The following DPP10 variants were observed in gnomAD, a reference collection of about 807,000 sequenced individuals.
DPP10 encodes dipeptidyl peptidase like 10, also known as inactive dipeptidyl peptidase 10.
DPP10 carries 33 observed loss-of-function variants against 120.9 expected under a neutral mutation model. That is an observed-to-expected ratio of 0.27 (90% CI 0.21 to 0.37). The LOEUF is 0.37. DPP10 is among the 10% of genes least tolerant of loss of function. The probability of loss-of-function intolerance (pLI) is 1.00; values close to 1 mark genes in which losing one functional copy is unlikely to be tolerated. For synonymous variants in DPP10, 337 were observed against 326.1 expected, an observed-to-expected ratio of 1.03 and a Z score of -0.36; for missense variants, 816 against 942.8, an observed-to-expected ratio of 0.87 and a Z score of 1.76.
At chr2:115,056,354 A>G (rs532925933) in intron 1 of DPP10, among the ~76,000 whole-genome samples, 8 of 152,204 alleles carry the variant, frequency 5.3e-5, no homozygotes, top group African/African-American at 1.7e-4. Context: ...CACCATGATT[A>G]TAGGTTCTGA....
At chr2:115,595,274 TA>T (rs1014378440) in intron 5 of DPP10, among the ~76,000 whole-genome samples, 3 of 152,026 alleles carry the variant, frequency 2.0e-5, no homozygotes, top group East Asian at 1.9e-4. Flanking sequence ...CTCAACAGGT[TA>T]AAAAAAATCT....
intron 10 of DPP10, among the ~76,000 whole-genome samples, chr2:115,747,008 A>G (rs1678066448): frequency 6.6e-6 from 1 of 152,216 alleles, no homozygotes; most frequent in Non-Finnish European, 1.5e-5. Context: ...GACATTATTT[A>G]GAAAAAATTT....
chr2:115,088,097 G>C (rs557453868), intron 1 of DPP10, among the ~76,000 whole-genome samples: 1 of 152,220 alleles, frequency 6.6e-6, no homozygotes, highest in South Asian at 2.1e-4. Flanking sequence ...GTCCTCACAC[G>C]GTGGAAGGAG....
rs139214494 is a variant in DPP10, at chr2:115,735,785, G to C, written c.698-3954G>C. Among the ~76,000 whole-genome samples, 1,299 of 146,612 alleles carry C rather than the reference G, an allele frequency of 8.9e-3. 16 individuals are homozygous for C. The highest frequency in any genetic ancestry group is 0.031 in the African/African-American group (1,248 of 40,008). On this transcript the variant is annotated intron_variant, in intron 8 of 25. Transcript: ENST00000410059. ...TGACTTCAGGTGATCCGCCCACCTC[G>C]GCCTCCCAAAGTGTTGTGATTACAG...
intron 1 of DPP10, among the ~76,000 whole-genome samples, chr2:115,200,951 A>G (rs1044685272): frequency 1.3e-5 from 2 of 152,232 alleles, no homozygotes; most frequent in Admixed American, 1.3e-4. Flanking sequence ...TCCTTGGAAG[A>G]GGAAGAAAAC....
At chr2:115,003,781 T>A (rs531772252) in intron 1 of DPP10, among the ~76,000 whole-genome samples, 1 of 152,262 alleles carries the variant, frequency 6.6e-6, no homozygotes, top group Admixed American at 6.5e-5. Flanking sequence ...TGAATAAGCT[T>A]AAATTGTAAA....
chr2:115,483,354 T>G (rs749689395), intron 3 of DPP10, among the ~76,000 whole-genome samples: 1 of 152,178 alleles, frequency 6.6e-6, no homozygotes, highest in African/African-American at 2.4e-5. Context: ...AATACTGTTA[T>G]GTAGAAGAGT....
intron 1 of DPP10, among the ~76,000 whole-genome samples, chr2:114,675,365 G>A (rs1399801961): frequency 6.6e-6 from 1 of 152,116 alleles, no homozygotes; most frequent in African/African-American, 2.4e-5. Context: ...AGAGAGAAAT[G>A]TTTGAGTGAG....
intron 1 of DPP10, among the ~76,000 whole-genome samples, chr2:115,108,239 A>T (rs1209578664): frequency 6.6e-6 from 1 of 152,208 alleles, no homozygotes; most frequent in Non-Finnish European, 1.5e-5. Context: ...AGTAGAATTT[A>T]AAAAATCACT....
rs192160918 is a variant in DPP10, at chr2:115,593,440, A to G, written c.441+67468A>G. ...TCCACACATCAGCAGGGAGGCATGA[A>G]GGTTGTTCATATATAAGTTGCTATT... On this transcript the variant is annotated intron_variant, in intron 5 of 25. Coordinates refer to ENST00000410059, the MANE Select transcript of DPP10 (RefSeq NM_020868.6). Among the ~76,000 whole-genome samples, 4 of 152,310 alleles carry G rather than the reference A, an allele frequency of 2.6e-5. No homozygotes were observed. The East Asian group carries it at 7.7e-4, about 29-fold the overall frequency.
chr2:114,703,142 C>A (rs1356556105), intron 1 of DPP10, among the ~76,000 whole-genome samples: 3 of 151,962 alleles, frequency 2.0e-5, no homozygotes, highest in Non-Finnish European at 4.4e-5. Context: ...TCAAAAAATT[C>A]TATATGGAAA....
chr2:114,951,597 A>C (rs1195031213), intron 1 of DPP10, among the ~76,000 whole-genome samples: 1 of 152,208 alleles, frequency 6.6e-6, no homozygotes, highest in Non-Finnish European at 1.5e-5. Flanking sequence ...TTTTTTAATA[A>C]GAAGAACAGA....
chr2:115,798,529 G>T (rs1684800031), intron 19 of DPP10, among the ~76,000 whole-genome samples: 1 of 152,030 alleles, frequency 6.6e-6, no homozygotes, highest in Admixed American at 6.6e-5. Context: ...ATGTAAGGCT[G>T]TGTAGCATGT....
intron 1 of DPP10, among the ~76,000 whole-genome samples, chr2:115,077,617 AT>A (rs1378635031): frequency 3.3e-5 from 5 of 152,188 alleles, no homozygotes; most frequent in Admixed American, 6.5e-5. Context: ...AAGAGGTGAA[AT>A]GCCTTGATAA....
intron 1 of DPP10, among the ~76,000 whole-genome samples, chr2:115,249,935 G>A (rs150316588): frequency 2.4e-4 from 37 of 152,224 alleles, no homozygotes; most frequent in African/African-American, 8.9e-4. Context: ...TTGAATTATT[G>A]CAATGGGTGA....
At chr2:115,786,118 T>C (rs530491063) in intron 17 of DPP10, among the ~76,000 whole-genome samples, 1 of 148,810 alleles carries the variant, frequency 6.7e-6, no homozygotes, top group African/African-American at 2.5e-5. Context: ...ATAGACAGCG[T>C]AGTCCAATGG....
intron 1 of DPP10, among the ~76,000 whole-genome samples, chr2:114,736,894 G>A (rs1282397780): frequency 6.6e-6 from 1 of 152,100 alleles, no homozygotes; most frequent in Admixed American, 6.5e-5. Flanking sequence ...GCTATTTAGT[G>A]GGTTAGTTTT....
intron 19 of DPP10, among the ~76,000 whole-genome samples, chr2:115,805,990 A>G (rs1169513653): frequency 2.6e-5 from 4 of 152,200 alleles, no homozygotes; most frequent in African/African-American, 4.8e-5. Flanking sequence ...CTGATGAGCA[A>G]TATGCCTCAT....
chr2:114,980,549 A>G (rs1450534134), intron 1 of DPP10, among the ~76,000 whole-genome samples: 1 of 151,974 alleles, frequency 6.6e-6, no homozygotes. Context: ...AGGAAAAATT[A>G]TCTGTTACCT....
Sources: allele counts gnomAD v4.1 joint callset (sites outside exome capture counted in the v4.1 genomes callset), GRCh38; gene constraint gnomAD v4.1.1; transcripts MANE v1.5; gene names NCBI Gene and HGNC (gene_info 2026-07-23, HGNC 2026-07-21).